The following MAPK10 variants were observed in gnomAD, a reference collection of about 807,000 sequenced individuals.
MAPK10 encodes mitogen-activated protein kinase 10, also known as JNK3 alpha protein kinase.
A neutral mutation model predicts 59.3 loss-of-function variants in MAPK10; 25 were observed. The observed-to-expected ratio is 0.42, with a 90% CI of 0.31 to 0.59. The LOEUF is 0.59. Among genes scored for constraint, MAPK10 ranks in the 20% least tolerant of loss-of-function variants. The pLI is 0.15. For synonymous variants in MAPK10, 190 were observed against 200.5 expected (o/e 0.95, Z 0.44); for missense variants, 351 against 568.9 (o/e 0.62, Z 3.90).
intron 11 of MAPK10, among the ~76,000 whole-genome samples, chr4:86,043,168 A>T (rs910764932): frequency 6.6e-6 from 1 of 152,154 alleles, no homozygotes; most frequent in Non-Finnish European, 1.5e-5. Flanking sequence ...AATTAAAATT[A>T]AGGCTGTGGT....
intron 1 of MAPK10, among the ~76,000 whole-genome samples, chr4:86,511,952 T>C (rs1053030334): frequency 2.0e-5 from 3 of 151,432 alleles, no homozygotes; most frequent in Non-Finnish European, 4.4e-5. Context: ...TTTTAATAAC[T>C]AAAGTTGATT....
chr4:86,198,670 G>A (rs191021579), intron 2 of MAPK10, among the ~76,000 whole-genome samples: 15 of 151,696 alleles, frequency 9.9e-5, no homozygotes, highest in Admixed American at 4.6e-4. Flanking sequence ...CTGTTTCTGT[G>A]AAATAAGTCA....
At chr4:86,256,829 C>A (rs1239692346) in intron 2 of MAPK10, among the ~76,000 whole-genome samples, 24 of 149,434 alleles carry the variant, frequency 1.6e-4, no homozygotes, top group African/African-American at 5.7e-4. Flanking sequence ...CAAGCTCCGC[C>A]TCCCGGGTTC....
intron 11 of MAPK10, chr4:86,032,545 C>T (rs376098349): frequency 6.6e-6 from 1 of 152,156 alleles, no homozygotes; most frequent in East Asian, 1.9e-4. Context: ...CTTTAGGACA[C>T]AGACCTTTCA....
intron 1 of MAPK10, among the ~76,000 whole-genome samples, chr4:86,400,144 T>C (rs1353302516): frequency 6.6e-6 from 1 of 152,174 alleles, no homozygotes; most frequent in African/African-American, 2.4e-5. Flanking sequence ...TAAACTATCA[T>C]TATTTTGCTA....
At chr4:86,165,786 C>G (rs1218042349) in intron 3 of MAPK10, among the ~76,000 whole-genome samples, 1 of 151,842 alleles carries the variant, frequency 6.6e-6, no homozygotes, top group Non-Finnish European at 1.5e-5. Context: ...AGCACATTTC[C>G]TCACACTGTT....
chr4:86,474,822 A>G (rs1025703820), intron 1 of MAPK10, among the ~76,000 whole-genome samples: 1 of 152,228 alleles, frequency 6.6e-6, no homozygotes, highest in African/African-American at 2.4e-5. Flanking sequence ...TGACCTGCAC[A>G]TATACATCCA....
chr4:86,509,637 T>C (rs1486178882), intron 1 of MAPK10, among the ~76,000 whole-genome samples: 1 of 152,116 alleles, frequency 6.6e-6, no homozygotes, highest in Non-Finnish European at 1.5e-5. Flanking sequence ...ATGTAAACAA[T>C]TGAAAATTTA....
intron 2 of MAPK10, among the ~76,000 whole-genome samples, chr4:86,344,140 G>C (rs552436267): frequency 1.3e-5 from 2 of 152,276 alleles, no homozygotes; most frequent in East Asian, 3.9e-4. Context: ...TGCCTGGGTA[G>C]AAGCTGAGTT....
At chr4:86,351,214 T>C (rs1447316009) in intron 2 of MAPK10, among the ~76,000 whole-genome samples, 6 of 152,128 alleles carry the variant, frequency 3.9e-5, no homozygotes, top group Admixed American at 2.6e-4. Flanking sequence ...ACCTGGACTT[T>C]ATAAAATGAA....
chr4:86,206,732 G>A (rs977191779), intron 2 of MAPK10, among the ~76,000 whole-genome samples: 5 of 151,956 alleles, frequency 3.3e-5, no homozygotes, highest in African/African-American at 9.7e-5. Context: ...TTTAATGATC[G>A]CCATTCTAAC....
chr4:86,299,253 A>C (rs1244720902), intron 2 of MAPK10, among the ~76,000 whole-genome samples: 1 of 152,248 alleles, frequency 6.6e-6, no homozygotes, highest in African/African-American at 2.4e-5. Flanking sequence ...AAGAGATTAC[A>C]GACTTGGTTT....
At chr4:86,443,976 T>A (rs2149049482) in intron 1 of MAPK10, among the ~76,000 whole-genome samples, 1 of 151,838 alleles carries the variant, frequency 6.6e-6, no homozygotes, top group East Asian at 1.9e-4. Flanking sequence ...AAATGAAGAA[T>A]GTTTTTGGGA....
intron 11 of MAPK10, among the ~76,000 whole-genome samples, chr4:86,053,811 T>C (rs1183827484): frequency 3.9e-5 from 6 of 152,048 alleles, no homozygotes. Flanking sequence ...TCAAGATAAA[T>C]AGGTAGATCT....
chr4:86,306,782 C>T (rs2095575887), intron 2 of MAPK10, among the ~76,000 whole-genome samples: 1 of 152,170 alleles, frequency 6.6e-6, no homozygotes, highest in Admixed American at 6.5e-5. Flanking sequence ...TGAACTCTAA[C>T]ATTTTTCTGA....
intron 1 of MAPK10, among the ~76,000 whole-genome samples, chr4:86,540,432 G>A (rs372174086): frequency 6.6e-5 from 10 of 151,866 alleles, no homozygotes; most frequent in East Asian, 3.9e-4. Context: ...CCCAGGAGGC[G>A]GAGGTTGCAG....
At chr4:86,456,686 G>A (rs1443554881), upstream of MAPK10, among the ~76,000 whole-genome samples, 10 of 151,936 alleles carry the variant, frequency 6.6e-5, no homozygotes, top group Admixed American at 6.6e-4. Context: ...ACAAAAAAAA[G>A]TCCGGAACCA....
chr4:86,207,379 G>T (rs7684081), intron 2 of MAPK10, among the ~76,000 whole-genome samples: 2 of 151,796 alleles, frequency 1.3e-5, no homozygotes, highest in African/African-American at 4.8e-5. Context: ...TTATTTCTGA[G>T]GGCTCTGTTC....
At chr4:86,051,466 G>A (rs919248341) in intron 11 of MAPK10, among the ~76,000 whole-genome samples, 1 of 152,096 alleles carries the variant, frequency 6.6e-6, no homozygotes, top group African/African-American at 2.4e-5. Flanking sequence ...CCTTTTTCTG[G>A]TTCTTTTGCA....
Sources: gnomAD v4.1 joint callset for allele counts (sites outside exome capture counted in the v4.1 genomes callset) on GRCh38, gnomAD v4.1.1 for gene constraint, MANE v1.5 for transcripts, NCBI Gene and HGNC (gene_info 2026-07-23, HGNC 2026-07-21) for gene names.